Variants in SNAPIN observed in about 807,000 individuals in gnomAD.
SNAPIN encodes the protein SNAP associated protein, also known as SNARE-associated protein Snapin.
In SNAPIN, 16 loss-of-function variants were observed where a neutral mutation model predicts 15.9. That is an observed-to-expected ratio of 1.01 (90% CI 0.68 to 1.53). SNAPIN has a LOEUF of 1.53. Among genes scored for constraint, SNAPIN ranks in the 40% most tolerant of loss-of-function variants. The probability of loss-of-function intolerance (pLI) is 0.00; values close to 1 mark genes in which losing one functional copy is unlikely to be tolerated. For synonymous variants in SNAPIN, 83 were observed against 76.2 expected (o/e 1.09, Z -0.46); for missense variants, 186 against 180.1 (o/e 1.03, Z -0.19).
chr1:153,661,196 G>A lies in SNAPIN; in HGVS notation c.310-4G>A. ...TAAGATTCCAAACCTTCCTTGTCTT[G>A]TAGGAACGACTGAGACGGCTAAACC... On this transcript the variant is annotated splice_region_variant and splice_polypyrimidine_tract_variant and intron_variant, in intron 3 of 3. Transcript: ENST00000368685. 1 of 1,612,838 alleles carries A rather than the reference G, an allele frequency of 6.2e-7. No homozygotes were observed.
intron 3 of SNAPIN, 144 bp downstream of exon 3, chr1:153,659,710 C>G (rs1285552570): frequency 1.6e-6 from 1 of 645,046 alleles, no homozygotes; most frequent in Non-Finnish European, 2.8e-6. Context: ...GAAAATTCGT[C>G]TCATTCTCAC....
intron 2 of SNAPIN, 49 bp from the exon 3 acceptor site, chr1:153,659,399 A>G: frequency 6.7e-7 from 1 of 1,483,862 alleles, no homozygotes; most frequent in Non-Finnish European, 9.4e-7. Flanking sequence ...TTCCCTCAGA[A>G]CAAGAGATAA....
At chr1:153,660,973 T>TTGGTCAGGC (rs781385106) in intron 3 of SNAPIN, among the ~76,000 whole-genome samples, 222 of 152,024 alleles carry the variant, frequency 1.5e-3, no homozygotes, top group Non-Finnish European at 2.4e-3. Context: ...TTTTACCATG[T>TTGGTCAGGC]TGGTCAGGCT....
intron 2 of SNAPIN, 128 bp from the exon 3 acceptor site, chr1:153,659,320 A>G (rs1444859966): frequency 4.1e-6 from 5 of 1,233,016 alleles, no homozygotes; most frequent in Non-Finnish European, 6.0e-6. Context: ...CCTTTCAGGG[A>G]TGTCTTAAAT....
In SNAPIN at chr1:153,661,771, T is replaced by C. The variant is rs1392920770; in HGVS notation, c.*470T>C. The C allele has an allele frequency of 6.3e-6, 1 of 159,270 alleles. No individual in the cohort carries two copies. The highest frequency in any genetic ancestry group is 2.4e-5 in the African/African-American group (1 of 41,530). 9.9% of individuals were successfully genotyped at this position (159,270 alleles called of 1,614,324 possible). A position where few individuals can be genotyped will look rare whatever the true frequency, so the allele number is the denominator to read the frequency against. ...CTGTCCACCCACTTTTTTATTGCAC[T>C]GGCTTGAATACAGTAGCAGTGTTGA... On this transcript the variant is annotated 3_prime_UTR_variant, in exon 4 of 4. Coordinates refer to ENST00000368685, the MANE Select transcript of SNAPIN (RefSeq NM_012437.6).
At chr1:153,660,866 C>T (rs1034273085) in intron 3 of SNAPIN, among the ~76,000 whole-genome samples, 59 of 151,276 alleles carry the variant, frequency 3.9e-4, no homozygotes, top group African/African-American at 1.4e-3. Flanking sequence ...TTCATTGCAA[C>T]CTCCACCTCC....
intron 3 of SNAPIN, 123 bp from the exon 4 acceptor site, chr1:153,661,077 T>A: frequency 1.4e-6 from 1 of 691,314 alleles, no homozygotes; most frequent in Non-Finnish European, 2.5e-6. Flanking sequence ...GCCTACATTC[T>A]TATATATACT....
chr1:153,660,318 C>T (rs543048924), intron 3 of SNAPIN, among the ~76,000 whole-genome samples: 38 of 150,128 alleles, frequency 2.5e-4, no homozygotes, highest in African/African-American at 9.1e-4. Flanking sequence ...CCACTGCACC[C>T]GGCCTGCCTG....
chr1:153,660,066 A>C (rs1052534029), intron 3 of SNAPIN, among the ~76,000 whole-genome samples: 1 of 152,148 alleles, frequency 6.6e-6, no homozygotes, highest in African/African-American at 2.4e-5. Context: ...TCTATCACCC[A>C]GGATGGAGTG....
Position 153,661,292 on chromosome 1 carries a change from A to G in SNAPIN, c.402A>G (p.Pro134=), listed in dbSNP as rs1669152142. The change falls in exon 4 of 4, where the codon CCA becomes CCG. Residue 134 remains proline, a synonymous_variant. Coordinates refer to ENST00000368685, the MANE Select transcript of SNAPIN (RefSeq NM_012437.6). ...CGGGAATTTACCCCCCTGGCTCCCC[A>G]GGCAAATAACAGATGAGCCTATGGA... ...LDSGIYPPGS[P]GK The G allele has an allele frequency of 1.5e-5, 24 of 1,613,014 alleles. No homozygotes were observed. The East Asian group carries it at 5.4e-4, about 36-fold the overall frequency.
At chr1:153,659,384 C>A in intron 2 of SNAPIN, 64 bp from the exon 3 acceptor site, 2 of 1,404,680 alleles carry the variant, frequency 1.4e-6, no homozygotes, top group South Asian at 1.2e-5. Context: ...CATTACCAGC[C>A]TGCTTTCCCT....
chr1:153,660,386 T>C lies in SNAPIN; in HGVS notation c.310-814T>C, dbSNP rs1415637439. ...AGGATCGGCTGGGCGCGGTGGCTCT[T>C]GCCTGTAATCCCAGCAGTTTGGGAG... On this transcript the variant is annotated intron_variant, in intron 3 of 3. Coordinates refer to ENST00000368685, the MANE Select transcript of SNAPIN (RefSeq NM_012437.6). 1.7e-4 allele frequency among the ~76,000 whole-genome samples: 26 copies of C among 151,360 alleles called. 1 individual carries two copies. The highest frequency in any genetic ancestry group is 3.4e-4 in the Non-Finnish European group (23 of 67,788).
rs1349555245 is a variant in SNAPIN at position 153,659,300 on chromosome 1, A to AAGG, written c.190+118_190+120dup. The AAGG allele has an allele frequency of 7.6e-6, 10 of 1,309,318 alleles. No individual in the cohort carries two copies. In the East Asian group the frequency reaches 2.3e-4, roughly 30 times the overall value. 81.1% of individuals were successfully genotyped at this position (1,309,318 alleles called of 1,614,324 possible). A position where few individuals can be genotyped will look rare whatever the true frequency, so the allele number is the denominator to read the frequency against. On this transcript the variant is annotated intron_variant, in intron 2 of 3. Transcript: ENST00000368685. ...TGCTTCCAGGGCATCAGGGCTGCCA[A>AAGG]AGGACTCCTCCTTTCAGGGATGTCT...
chr1:153,658,689 G>A (rs1669070136), upstream of SNAPIN: 10 of 1,477,926 alleles, frequency 6.8e-6, no homozygotes, highest in South Asian at 1.3e-4. Context: ...AGTGCGGCGC[G>A]GCTCCGGTTC....
At chr1:153,660,655 A>G (rs1454741597) in intron 3 of SNAPIN, among the ~76,000 whole-genome samples, 5 of 149,830 alleles carry the variant, frequency 3.3e-5, no homozygotes, top group Admixed American at 3.3e-4. Flanking sequence ...TCTCGGGAAA[A>G]AAAAAAAAAA....
intron 3 of SNAPIN, among the ~76,000 whole-genome samples, chr1:153,660,213 G>C (rs918475897): frequency 6.6e-6 from 1 of 152,078 alleles, no homozygotes; most frequent in African/African-American, 2.4e-5. Flanking sequence ...TCTAGAGACA[G>C]GGTTTCACCA....
chr1:153,659,419 T>G lies in SNAPIN; in HGVS notation c.191-29T>G. On this transcript the variant is annotated intron_variant, in intron 2 of 3. Transcript: ENST00000368685. ...TCAGAACAAGAGATAAGCCGTTAGA[T>G]CTTAGCTGCACCTTACTTCCATCCC... 2.6e-6 allele frequency: 4 copies of G among 1,560,692 alleles called. No individual in the cohort carries two copies. In the Admixed American group the frequency reaches 6.7e-5, roughly 26 times the overall value.
chr1:153,661,622 T>C lies in SNAPIN; in HGVS notation c.*321T>C, dbSNP rs927217030. On this transcript the variant is annotated 3_prime_UTR_variant, in exon 4 of 4. Transcript: ENST00000368685. ...TTCAGGACTAGTTAACCAGAGGGGC[T>C]TCCTTTGTATGTTACATGCCTGGTT... is the stretch of plus-strand genomic sequence containing the variant. The C allele has an allele frequency of 2.4e-4, 49 of 205,852 alleles. 1 individual carries two copies. Among genetic ancestry groups the C allele is most frequent in the Non-Finnish European group, 9.2e-5 (9 of 97,618 alleles). 12.8% of individuals were successfully genotyped at this position (205,852 alleles called of 1,614,324 possible).
At chr1:153,658,999 G>T in intron 1 of SNAPIN, 113 bp downstream of exon 1, 1 of 1,572,494 alleles carries the variant, frequency 6.4e-7, no homozygotes, top group Non-Finnish European at 8.7e-7. Context: ...GATTCGAGGC[G>T]GGGAGGACAG....
Sources: allele counts gnomAD v4.1 joint callset (sites outside exome capture counted in the v4.1 genomes callset), GRCh38; gene constraint gnomAD v4.1.1; transcripts MANE v1.5; gene names NCBI Gene and HGNC (gene_info 2026-07-23, HGNC 2026-07-21).